CA10: variants seen among roughly 807,000 people sequenced by gnomAD.
CA10 encodes the protein carbonic anhydrase-related protein 10.
A neutral mutation model predicts 44.2 loss-of-function variants in CA10; 14 were observed. The observed-to-expected ratio is 0.32, with a 90% CI of 0.21 to 0.50. The LOEUF (loss-of-function observed/expected upper bound fraction) is 0.50. Ranked by LOEUF, CA10 falls within the 20% of genes least tolerant of loss-of-function variation. CA10 has a pLI of 0.99. For synonymous variants in CA10, 159 were observed against 141.6 expected (o/e 1.12, Z -0.87); for missense variants, 350 against 409.7 (o/e 0.85, Z 1.26).
At chr17:51,876,970 A>G (rs1223043544) in intron 3 of CA10, among the ~76,000 whole-genome samples, 1 of 152,234 alleles carries the variant, frequency 6.6e-6, no homozygotes, top group Non-Finnish European at 1.5e-5. Flanking sequence ...CGTGGCAAAT[A>G]TTAGTGCATG....
chr17:51,679,006 T>C (rs1048832012), intron 4 of CA10, among the ~76,000 whole-genome samples: 3 of 152,134 alleles, frequency 2.0e-5, no homozygotes, highest in Non-Finnish European at 4.4e-5. Context: ...ATTCATTCCT[T>C]CATGTTCCAA....
intron 2 of CA10, among the ~76,000 whole-genome samples, chr17:52,018,348 G>A (rs1338522295): frequency 1.3e-5 from 2 of 152,094 alleles, no homozygotes; most frequent in African/African-American, 2.4e-5. Flanking sequence ...GAGCAGCCGT[G>A]GGGGCTGTAC....
At chr17:51,814,944 C>A (rs921485170) in intron 3 of CA10, among the ~76,000 whole-genome samples, 7 of 152,068 alleles carry the variant, frequency 4.6e-5, no homozygotes, top group Non-Finnish European at 7.4e-5. Flanking sequence ...AAACATCCGG[C>A]CAAAGGTACA....
chr17:51,701,535 C>A (rs74768674), intron 4 of CA10, among the ~76,000 whole-genome samples: 1 of 151,904 alleles, frequency 6.6e-6, no homozygotes, highest in Admixed American at 6.6e-5. Flanking sequence ...ATAAATTCTG[C>A]GAAGATTGGG....
intron 2 of CA10, among the ~76,000 whole-genome samples, chr17:51,956,728 G>A (rs955249488): frequency 7.2e-5 from 11 of 152,096 alleles, no homozygotes; most frequent in African/African-American, 2.7e-4. Context: ...TGATACATTT[G>A]GCAGTGGTGA....
intron 1 of CA10, among the ~76,000 whole-genome samples, chr17:52,149,767 C>T (rs1047992297): frequency 1.1e-4 from 16 of 152,080 alleles, no homozygotes; most frequent in Admixed American, 1.0e-3. Context: ...CTGGGTTATT[C>T]CAAAGCTTCT....
chr17:51,642,305 A>G (rs1913122074), intron 6 of CA10, among the ~76,000 whole-genome samples: 1 of 152,222 alleles, frequency 6.6e-6, no homozygotes, highest in Admixed American at 6.5e-5. Context: ...AGGCACCAGG[A>G]GCAATATGCT....
chr17:51,797,850 CAAAAAAAA>C (rs58344941), intron 3 of CA10, among the ~76,000 whole-genome samples: 3 of 73,770 alleles, frequency 4.1e-5, no homozygotes, highest in Admixed American at 4.0e-4. Flanking sequence ...GGCTCCATCT[CAAAAAAAA>C]AAAAAAAAAA....
intron 3 of CA10, among the ~76,000 whole-genome samples, chr17:51,873,222 A>G (rs1458483190): frequency 6.6e-6 from 1 of 152,230 alleles, no homozygotes; most frequent in East Asian, 1.9e-4. Flanking sequence ...AGGTACTTAG[A>G]ACAAGGTACA....
chr17:51,962,413 A>G (rs1299571923), intron 2 of CA10, among the ~76,000 whole-genome samples: 1 of 152,208 alleles, frequency 6.6e-6, no homozygotes, highest in Admixed American at 6.5e-5. Context: ...GACCTCACCC[A>G]TCTGGGTCCC....
chr17:52,072,449 C>T lies in CA10; in HGVS notation c.62-56G>A, dbSNP rs564033498. 5.9e-5 allele frequency: 77 copies of T among 1,309,496 alleles called. 1 individual carries two copies. The highest frequency in any genetic ancestry group is 3.7e-4 in the Middle Eastern group (2 of 5,460). 81.1% of individuals were successfully genotyped at this position (1,309,496 alleles called of 1,614,324 possible). A position where few individuals can be genotyped will look rare whatever the true frequency, so the allele number is the denominator to read the frequency against. On this transcript the variant is annotated intron_variant, in intron 1 of 8. Coordinates refer to ENST00000451037, the MANE Select transcript of CA10 (RefSeq NM_020178.5). ...ATGATAGCAGAGAAGCACTGTGTCC[C>T]GGCTGTCCGAGTAAGAAGGGTGAAT...
intron 6 of CA10, among the ~76,000 whole-genome samples, chr17:51,644,105 T>G (rs1429293145): frequency 6.6e-6 from 1 of 152,142 alleles, no homozygotes; most frequent in Non-Finnish European, 1.5e-5. Flanking sequence ...CTTTCCTCCT[T>G]GTATGAATTT....
chr17:51,760,962 A>G (rs772920836), intron 3 of CA10, among the ~76,000 whole-genome samples: 4 of 152,204 alleles, frequency 2.6e-5, no homozygotes, highest in Non-Finnish European at 4.4e-5. Context: ...TATGTATTTT[A>G]TACTCAAAAC....
intron 2 of CA10, among the ~76,000 whole-genome samples, chr17:52,046,610 G>C (rs1335388530): frequency 6.6e-6 from 1 of 151,738 alleles, no homozygotes; most frequent in Non-Finnish European, 1.5e-5. Context: ...TGGTTTCATT[G>C]ATGCCTTTCT....
chr17:51,721,146 A>G (rs1321183657), intron 4 of CA10, among the ~76,000 whole-genome samples: 1 of 152,074 alleles, frequency 6.6e-6, no homozygotes, highest in Admixed American at 6.5e-5. Flanking sequence ...CCTGGCCAAC[A>G]TGGCGAAACC....
At chr17:51,926,676 C>T (rs993147911) in intron 3 of CA10, among the ~76,000 whole-genome samples, 1 of 152,178 alleles carries the variant, frequency 6.6e-6, no homozygotes, top group South Asian at 2.1e-4. Context: ...TGCTTCCATC[C>T]TCACGTCTCT....
chr17:51,820,404 T>TCCCCCCCCCC (rs1567850403), intron 3 of CA10, among the ~76,000 whole-genome samples: 1 of 21,608 alleles, frequency 4.6e-5, no homozygotes, highest in African/African-American at 2.7e-4. Flanking sequence ...GGGATTCCCC[T>TCCCCCCCCCC]ACCCCCCCCC....
At chr17:52,015,548 T>G (rs1296760144) in intron 2 of CA10, among the ~76,000 whole-genome samples, 1 of 152,026 alleles carries the variant, frequency 6.6e-6, no homozygotes, top group Non-Finnish European at 1.5e-5. Context: ...AAACTAAGGC[T>G]TAAGGAGGAA....
chr17:51,656,671 C>T (rs561069867), intron 4 of CA10, among the ~76,000 whole-genome samples: 14 of 152,280 alleles, frequency 9.2e-5, no homozygotes, highest in African/African-American at 2.6e-4. Flanking sequence ...TGACAGTGTG[C>T]GCTCTAGGGA....
Sources: gnomAD v4.1 joint callset for allele counts (sites outside exome capture counted in the v4.1 genomes callset) on GRCh38, gnomAD v4.1.1 for gene constraint, MANE v1.5 for transcripts, NCBI Gene and HGNC (gene_info 2026-07-23, HGNC 2026-07-21) for gene names.